Variants in XKR6 observed in about 807,000 individuals in gnomAD.
XKR6 encodes the protein XK related 6, also known as XK-related protein 6.
A neutral mutation model predicts 56.7 loss-of-function variants in XKR6; 22 were observed. The ratio of observed to expected loss-of-function variants is 0.39; its 90% CI spans 0.28 to 0.55. XKR6 has a LOEUF of 0.55. Among genes scored for constraint, XKR6 ranks in the 20% least tolerant of loss-of-function variants. The pLI is 0.66. For missense variants in XKR6, 852 were observed against 889.0 expected, an observed-to-expected ratio of 0.96 and a Z score of 0.53; for synonymous variants, 524 against 387.8, an observed-to-expected ratio of 1.35 and a Z score of -4.13.
intron 1 of XKR6, among the ~76,000 whole-genome samples, chr8:11,010,327 T>C (rs1252710547): frequency 6.6e-6 from 1 of 152,192 alleles, no homozygotes; most frequent in Non-Finnish European, 1.5e-5. Context: ...GACATGAGAA[T>C]TGGGCAGGAA....
intron 1 of XKR6, among the ~76,000 whole-genome samples, chr8:11,197,624 A>T (rs888495109): frequency 6.6e-6 from 1 of 152,236 alleles, no homozygotes; most frequent in African/African-American, 2.4e-5. Context: ...AGTGGGAGTA[A>T]GGCATGCATG....
chr8:11,144,730 G>T (rs1044256908), intron 1 of XKR6, among the ~76,000 whole-genome samples: 2 of 152,056 alleles, frequency 1.3e-5, no homozygotes, highest in Non-Finnish European at 2.9e-5. Context: ...TCAAAGCCGT[G>T]CCTGAAACAT....
At chr8:10,990,943 C>T (rs552464119) in intron 1 of XKR6, among the ~76,000 whole-genome samples, 72 of 131,156 alleles carry the variant, frequency 5.5e-4, no homozygotes, top group African/African-American at 2.1e-3. Context: ...CACTTGGTCA[C>T]CCAGGCTGGA....
At chr8:10,983,456 A>G (rs901908242) in intron 1 of XKR6, among the ~76,000 whole-genome samples, 1 of 152,100 alleles carries the variant, frequency 6.6e-6, no homozygotes, top group Non-Finnish European at 1.5e-5. Flanking sequence ...ATAAATTACC[A>G]AAACCAACCT....
At chr8:11,013,660 A>G (rs1307494787) in intron 1 of XKR6, among the ~76,000 whole-genome samples, 1 of 152,212 alleles carries the variant, frequency 6.6e-6, no homozygotes, top group Non-Finnish European at 1.5e-5. Context: ...CCATCCATTA[A>G]TTGAGTGCTC....
At chr8:11,154,519 A>C (rs1801416559) in intron 1 of XKR6, among the ~76,000 whole-genome samples, 1 of 152,204 alleles carries the variant, frequency 6.6e-6, no homozygotes, top group Non-Finnish European at 1.5e-5. Context: ...TAAGTGTAAC[A>C]GCTTTCAGTG....
At chr8:10,916,435 T>G (rs1315409684) in intron 2 of XKR6, among the ~76,000 whole-genome samples, 1 of 152,186 alleles carries the variant, frequency 6.6e-6, no homozygotes, top group Non-Finnish European at 1.5e-5. Flanking sequence ...ATGTCCCATA[T>G]GAACAGGACT....
At chr8:11,048,501 C>T (rs553813522) in intron 1 of XKR6, among the ~76,000 whole-genome samples, 1 of 152,324 alleles carries the variant, frequency 6.6e-6, no homozygotes, top group South Asian at 2.1e-4. Context: ...ACAGCAAGGA[C>T]ACCTGAGCGT....
chr8:11,065,806 A>G (rs910336174), intron 1 of XKR6, among the ~76,000 whole-genome samples: 2 of 151,984 alleles, frequency 1.3e-5, no homozygotes, highest in Non-Finnish European at 2.9e-5. Context: ...CTGCCTTCCT[A>G]CTACACAGCA....
intron 1 of XKR6, among the ~76,000 whole-genome samples, chr8:11,005,474 T>C (rs1045732157): frequency 1.3e-5 from 2 of 152,146 alleles, no homozygotes; most frequent in South Asian, 4.1e-4. Flanking sequence ...GAAAATGTTC[T>C]GGAAATGGAC....
chr8:11,050,484 A>G (rs1173786453), intron 1 of XKR6, among the ~76,000 whole-genome samples: 1 of 152,062 alleles, frequency 6.6e-6, no homozygotes, highest in Non-Finnish European at 1.5e-5. Flanking sequence ...GTTGACAGAA[A>G]CATTTTTAGG....
At chr8:11,003,688 C>G (rs1177299145) in intron 1 of XKR6, among the ~76,000 whole-genome samples, 1 of 152,204 alleles carries the variant, frequency 6.6e-6, no homozygotes, top group Non-Finnish European at 1.5e-5. Flanking sequence ...ACTGTAAGAA[C>G]TGGGATTCTG....
chr8:10,972,912 T>A (rs1009198265), intron 1 of XKR6, among the ~76,000 whole-genome samples: 1 of 152,196 alleles, frequency 6.6e-6, no homozygotes, highest in Non-Finnish European at 1.5e-5. Flanking sequence ...TTTAAAGAGC[T>A]ATACCAAGAG....
chr8:11,170,540 G>T (rs1293285276), intron 1 of XKR6, among the ~76,000 whole-genome samples: 1 of 152,156 alleles, frequency 6.6e-6, no homozygotes, highest in Non-Finnish European at 1.5e-5. Flanking sequence ...CCCAGGGGCT[G>T]GGAAAGGGAA....
intron 1 of XKR6, among the ~76,000 whole-genome samples, chr8:10,986,574 G>C (rs1386511752): frequency 6.6e-6 from 1 of 152,132 alleles, no homozygotes; most frequent in East Asian, 1.9e-4. Context: ...GGTAGTTTTT[G>C]AGCAAGAAAA....
intron 2 of XKR6, among the ~76,000 whole-genome samples, chr8:10,902,603 G>A (rs957541092): frequency 1.3e-5 from 2 of 152,210 alleles, no homozygotes; most frequent in Non-Finnish European, 2.9e-5. Flanking sequence ...TTCTCCAATG[G>A]TGGGAGCCTG....
chr8:10,996,848 G>C (rs1378282197), intron 1 of XKR6, among the ~76,000 whole-genome samples: 1 of 152,126 alleles, frequency 6.6e-6, no homozygotes, highest in Non-Finnish European at 1.5e-5. Flanking sequence ...CATGCCTATA[G>C]TCCCAGCAGC....
intron 1 of XKR6, among the ~76,000 whole-genome samples, chr8:11,148,252 C>T (rs1052988702): frequency 6.6e-5 from 10 of 152,066 alleles, no homozygotes; most frequent in Admixed American, 2.6e-4. Flanking sequence ...TAAAATGAGG[C>T]TATCATGGTG....
At chr8:11,033,590 T>A (rs1799061340) in intron 1 of XKR6, among the ~76,000 whole-genome samples, 1 of 152,172 alleles carries the variant, frequency 6.6e-6, no homozygotes. Context: ...ATACTGTTAA[T>A]GGCCCCTGCC....
Sources: gnomAD v4.1 joint callset for allele counts (sites outside exome capture counted in the v4.1 genomes callset) on GRCh38, gnomAD v4.1.1 for gene constraint, MANE v1.5 for transcripts, NCBI Gene and HGNC (gene_info 2026-07-23, HGNC 2026-07-21) for gene names.